The following GSE1 variants were observed in gnomAD, a reference collection of about 807,000 sequenced individuals.
GSE1 encodes genetic suppressor element 1.
Under a neutral mutation model 112.6 loss-of-function variants are expected in GSE1, and 32 were observed. The ratio of observed to expected loss-of-function variants is 0.28; its 90% CI spans 0.21 to 0.38. The LOEUF is 0.38. Among genes scored for constraint, GSE1 ranks in the 10% least tolerant of loss-of-function variants. The pLI is 1.00. For synonymous variants in GSE1, 1,115 were observed against 735.6 expected, an observed-to-expected ratio of 1.52 and a Z score of -8.35; for missense variants, 2,348 against 1,699.2, an observed-to-expected ratio of 1.38 and a Z score of -6.71.
At chr16:85,376,624 G>T (rs1482753453) in intron 2 of GSE1, among the ~76,000 whole-genome samples, 1 of 152,238 alleles carries the variant, frequency 6.6e-6, no homozygotes, top group Admixed American at 6.5e-5. Context: ...TGGGAGGCGG[G>T]CTGTCACCAC....
chr16:85,175,064 G>T (rs201431724), intron 1 of GSE1, among the ~76,000 whole-genome samples: 1 of 118,482 alleles, frequency 8.4e-6, no homozygotes, highest in Non-Finnish European at 1.9e-5. Context: ...GTTCCCTATT[G>T]TTCCCTATGA....
upstream of GSE1, among the ~76,000 whole-genome samples, chr16:85,552,320 C>CAGTCTCAG (rs1434234907): frequency 2.5e-3 from 260 of 105,194 alleles, no homozygotes; most frequent in South Asian, 3.7e-3. Flanking sequence ...CCACCGCACC[C>CAGTCTCAG]GCCCCTCCTT....
intron 1 of GSE1, among the ~76,000 whole-genome samples, chr16:85,320,815 C>T (rs2046091359): frequency 6.6e-6 from 1 of 152,160 alleles, no homozygotes; most frequent in African/African-American, 2.4e-5. Context: ...GCGTGGCTGC[C>T]CTGGAGGCAC....
At chr16:85,628,786 G>C (rs891015026) in intron 1 of GSE1, among the ~76,000 whole-genome samples, 2 of 152,180 alleles carry the variant, frequency 1.3e-5, no homozygotes, top group African/African-American at 4.8e-5. Flanking sequence ...AGCTCTTCTC[G>C]TTGCCATCTG....
chr16:85,292,933 A>G (rs545308373), intron 1 of GSE1, among the ~76,000 whole-genome samples: 1 of 152,158 alleles, frequency 6.6e-6, no homozygotes, highest in South Asian at 2.1e-4. Context: ...AAATTGCTTT[A>G]TTTTTTATTG....
chr16:85,331,661 ATGTGTG>A lies in GSE1; in HGVS notation c.2284-25782_2284-25777del, dbSNP rs1159802556. 8.4e-3 allele frequency among the ~76,000 whole-genome samples: 720 copies of A among 85,352 alleles called. 38 individuals are homozygous for A. The highest frequency in any genetic ancestry group is 0.03 in the African/African-American group (644 of 21,334). The allele number at this position is 85,352 out of a possible 152,430, so 56.0% of individuals were successfully genotyped here. Reference sequence around the variant, plus strand: ...TATGTGTGTATATATATATGTGTATATGTGTGTGTGTGTGTGTGTGTGTGTATATAT... The same window carrying A: ...TATGTGTGTATATATATATGTGTATATGTGTGTGTGTGTGTGTGTATATAT... On this transcript the variant is annotated intron_variant, in intron 1 of 2. Transcript: ENST00000637419.
intron 1 of GSE1, among the ~76,000 whole-genome samples, chr16:85,565,815 C>G (rs1289463876): frequency 1.3e-5 from 2 of 152,192 alleles, no homozygotes; most frequent in African/African-American, 4.8e-5. Context: ...CAGGAGGGAC[C>G]CTGGGTCTCG....
At chr16:85,215,006 G>A (rs7191920) in intron 1 of GSE1, among the ~76,000 whole-genome samples, 3,726 of 152,322 alleles carry the variant, frequency 0.024, 152 homozygotes, top group African/African-American at 0.086. Flanking sequence ...CAGGCGCAAG[G>A]CCCAGCTAGA....
chr16:85,578,206 A>C (rs1389066652), intron 1 of GSE1, among the ~76,000 whole-genome samples: 4 of 152,214 alleles, frequency 2.6e-5, no homozygotes, highest in Non-Finnish European at 1.5e-5. Flanking sequence ...GACACCTGGG[A>C]GGGCGGCACC....
At chr16:85,431,287 T>C (rs8047609) in intron 2 of GSE1, among the ~76,000 whole-genome samples, 123,113 of 152,224 alleles carry the variant, frequency 0.81, 49,905 homozygotes, top group Admixed American at 0.85. Context: ...CTCCAGGCCC[T>C]GTCCATACGG....
intron 1 of GSE1, among the ~76,000 whole-genome samples, chr16:85,589,909 CTGAG>C (rs1598297876): frequency 6.6e-6 from 1 of 151,450 alleles, no homozygotes; most frequent in Non-Finnish European, 1.5e-5. Context: ...TGATGTGAAC[CTGAG>C]TGATTGAGCA....
At chr16:85,424,838 G>A (rs1567475922) in intron 2 of GSE1, among the ~76,000 whole-genome samples, 1 of 152,268 alleles carries the variant, frequency 6.6e-6, no homozygotes, top group African/African-American at 2.4e-5. Flanking sequence ...AGCGCTGCCC[G>A]CGCAGCTGTC....
chr16:85,673,478 CAA>C lies in GSE1; in HGVS notation c.*954_*955del, dbSNP rs3060243. On this transcript the variant is annotated 3_prime_UTR_variant, in exon 16 of 16. Coordinates refer to ENST00000253458, the MANE Select transcript of GSE1 (RefSeq NM_014615.5). ...GTTTGTTGTTTTGGTTTTTTTTGGGCAAAAAAAAAAAAAAAACCTTGCTTTTA... is the reference window on the plus strand; with the variant it reads ...GTTTGTTGTTTTGGTTTTTTTTGGGCAAAAAAAAAAAAAACCTTGCTTTTA... The C allele has an allele frequency of 8.8e-3, 952 of 107,808 alleles. 4 individuals carry two copies. Among genetic ancestry groups the C allele is most frequent in the Non-Finnish European group, 0.012 (618 of 51,474 alleles). The allele number at this position is 107,808 out of a possible 1,614,324, so 6.7% of individuals were successfully genotyped here.
intron 3 of GSE1, among the ~76,000 whole-genome samples, chr16:85,650,590 T>C (rs1284814461): frequency 1.3e-5 from 2 of 152,134 alleles, no homozygotes; most frequent in African/African-American, 2.4e-5. Context: ...CTCGGGAACA[T>C]TGAGCTACCC....
intron 1 of GSE1, among the ~76,000 whole-genome samples, chr16:85,176,256 G>C (rs910864672): frequency 3.3e-5 from 5 of 152,210 alleles, no homozygotes; most frequent in African/African-American, 1.2e-4. Context: ...TCTGTCTCCT[G>C]TGGGTCTGCA....
At chr16:85,474,942 T>C (rs1352517474) in intron 2 of GSE1, among the ~76,000 whole-genome samples, 1 of 152,168 alleles carries the variant, frequency 6.6e-6, no homozygotes, top group Non-Finnish European at 1.5e-5. Flanking sequence ...CCTTGGCGTC[T>C]GAATTTCACT....
Position 85,655,000 on chromosome 16 carries a change from T to C in GSE1, c.797+9T>C. On this transcript the variant is annotated intron_variant, in intron 5 of 15. Coordinates refer to ENST00000253458, the MANE Select transcript of GSE1 (RefSeq NM_014615.5). Reference sequence around the variant, plus strand: ...CCCCACCCGGCCTTCAGGTGAGGCATCCCCCACGCGCCCTCTCGTCTAGGT... The same window carrying C: ...CCCCACCCGGCCTTCAGGTGAGGCACCCCCCACGCGCCCTCTCGTCTAGGT... 6.6e-7 allele frequency: 1 copy of C among 1,521,424 alleles called. No homozygotes were observed. Among genetic ancestry groups the C allele is most frequent in the African/African-American group, 1.4e-5 (1 of 73,582 alleles). The allele number at this position is 1,521,424 out of a possible 1,614,324, so 94.2% of individuals were successfully genotyped here. A position where few individuals can be genotyped will look rare whatever the true frequency, so the allele number is the denominator to read the frequency against.
At chr16:85,217,032 G>A (rs1212599356) in intron 1 of GSE1, among the ~76,000 whole-genome samples, 3 of 152,230 alleles carry the variant, frequency 2.0e-5, no homozygotes, top group Non-Finnish European at 2.9e-5. Flanking sequence ...CCGTAGAGGC[G>A]AGTGGCTTGG....
chr16:85,409,639 GC>G (rs1193033257), intron 2 of GSE1, among the ~76,000 whole-genome samples: 33 of 7,720 alleles, frequency 4.3e-3, no homozygotes, highest in African/African-American at 5.4e-3. Flanking sequence ...TACACTCAGG[GC>G]CCCCCTGGAT....
Sources: allele counts gnomAD v4.1 joint callset (sites outside exome capture counted in the v4.1 genomes callset), GRCh38; gene constraint gnomAD v4.1.1; transcripts MANE v1.5; gene names NCBI Gene and HGNC (gene_info 2026-07-23, HGNC 2026-07-21).